The following PYGO1 variants were observed in gnomAD, a reference collection of about 807,000 sequenced individuals.
The protein encoded by PYGO1 is pygopus homolog 1.
In PYGO1, 6 loss-of-function variants were observed where a neutral mutation model predicts 29.5. That is an observed-to-expected ratio of 0.20 (90% CI 0.11 to 0.40). The LOEUF (loss-of-function observed/expected upper bound fraction) is 0.40. Ranked by LOEUF, PYGO1 falls within the 10% of genes least tolerant of loss-of-function variation. PYGO1 has a pLI of 1.00. For missense variants in PYGO1, 515 were observed against 514.9 expected, an observed-to-expected ratio of 1.00 and a Z score of 0.00; for synonymous variants, 186 against 180.5, an observed-to-expected ratio of 1.03 and a Z score of -0.24.
At position 55,548,973 on chromosome 15, in the gene PYGO1, C is replaced by T. The variant is rs1284438431; in HGVS notation, c.72G>A (p.Gly24=). ...CTAGTTGTACACCTGGTCCTCCTAA[C>T]CCATCCAGTCCACTATCACCACCTA... ...RVRGGDSGLD[G]LGGPGVQLGS... The change falls in exon 2 of 3, where the codon GGG becomes GGA. Residue 24 remains glycine, a synonymous_variant. Transcript: ENST00000563719. 3 of 1,610,458 alleles carry T rather than the reference C, an allele frequency of 1.9e-6. No homozygotes were observed. Among genetic ancestry groups the T allele is most frequent in the Admixed American group, 3.4e-5 (2 of 59,578 alleles).
At chr15:55,561,779 T>C (rs1386334572) in intron 1 of PYGO1, among the ~76,000 whole-genome samples, 1 of 152,128 alleles carries the variant, frequency 6.6e-6, no homozygotes, top group African/African-American at 2.4e-5. Context: ...GGCAATACCA[T>C]TCAGGATTTA....
At chr15:55,557,098 C>T (rs918584629) in intron 1 of PYGO1, among the ~76,000 whole-genome samples, 16 of 149,818 alleles carry the variant, frequency 1.1e-4, no homozygotes, top group African/African-American at 2.9e-4. Context: ...AAAAGGAGGA[C>T]GACTAATAAA....
intron 1 of PYGO1, among the ~76,000 whole-genome samples, chr15:55,572,086 A>C (rs1237029660): frequency 6.6e-6 from 1 of 152,204 alleles, no homozygotes; most frequent in African/African-American, 2.4e-5. Flanking sequence ...TAAAATTCAT[A>C]TGGAACCACT....
At chr15:55,563,944 A>T (rs1251371284) in intron 1 of PYGO1, among the ~76,000 whole-genome samples, 1 of 152,236 alleles carries the variant, frequency 6.6e-6, no homozygotes, top group Admixed American at 6.5e-5. Context: ...TGGAACCCTC[A>T]TACTTTGCAG....
At chr15:55,553,829 C>T (rs2058891086) in intron 1 of PYGO1, among the ~76,000 whole-genome samples, 1 of 152,128 alleles carries the variant, frequency 6.6e-6, no homozygotes, top group African/African-American at 2.4e-5. Context: ...GAGCAGGCTG[C>T]CACCTTTGCT....
chr15:55,540,423 G>C lies in PYGO1; in HGVS notation c.*5600C>G, dbSNP rs2058824037. On this transcript the variant is annotated 3_prime_UTR_variant, in exon 3 of 3. Transcript: ENST00000563719. ...AGTATGTGCTAAAAAATCCTAATAT[G>C]CACTGCCATTTAAGGTAATTATTTA... 6.6e-6 allele frequency: 1 copy of C among 151,954 alleles called. No individual in the cohort carries two copies. The highest frequency in any genetic ancestry group is 1.5e-5 in the Non-Finnish European group (1 of 67,922). 9.4% of individuals were successfully genotyped at this position (151,954 alleles called of 1,614,324 possible). A position where few individuals can be genotyped will look rare whatever the true frequency, so the allele number is the denominator to read the frequency against.
intron 1 of PYGO1, among the ~76,000 whole-genome samples, chr15:55,581,611 T>C (rs774412794): frequency 2.0e-5 from 3 of 152,180 alleles, no homozygotes; most frequent in East Asian, 1.9e-4. Flanking sequence ...GGTAAACTTA[T>C]ATATGTTACT....
chr15:55,576,080 C>T (rs1219382239), intron 1 of PYGO1, among the ~76,000 whole-genome samples: 1 of 152,128 alleles, frequency 6.6e-6, no homozygotes. Context: ...CTGACCAAAT[C>T]CTAGTTGATT....
intron 1 of PYGO1, among the ~76,000 whole-genome samples, chr15:55,563,366 CTTT>C (rs746208614): frequency 7.0e-5 from 9 of 128,766 alleles, no homozygotes; most frequent in Admixed American, 8.0e-5. Flanking sequence ...TGAATAAATT[CTTT>C]TTTTTTTTTT....
In PYGO1 at chr15:55,588,294, G is replaced by T. The variant is rs1232682917; in HGVS notation, c.-411C>A. Among the ~76,000 whole-genome samples the T allele has an allele frequency of 6.7e-6, 1 of 148,836 alleles. No individual in the cohort carries two copies. Among genetic ancestry groups the T allele is most frequent in the Non-Finnish European group, 1.5e-5 (1 of 66,784 alleles). On this transcript the variant is annotated 5_prime_UTR_variant, in exon 1 of 3. The change creates a new upstream start codon in the 5' untranslated region. Transcript: ENST00000563719. ...GCCCGGCCCTGGCGGCACACTCACA[G>T]CGCCCTCTGAGGAGGAGGTCTGCTC...
At chr15:55,579,213 A>G (rs1275657127) in intron 1 of PYGO1, among the ~76,000 whole-genome samples, 1 of 152,224 alleles carries the variant, frequency 6.6e-6, no homozygotes, top group Non-Finnish European at 1.5e-5. Context: ...CAGTTTTTCT[A>G]TAACACCATA....
intron 1 of PYGO1, among the ~76,000 whole-genome samples, chr15:55,561,620 C>T (rs2058933310): frequency 6.6e-6 from 1 of 152,142 alleles, no homozygotes; most frequent in Admixed American, 6.6e-5. Flanking sequence ...TCCCTTAATA[C>T]CTGGGGTTTA....
chr15:55,569,814 A>G (rs1025468419), intron 1 of PYGO1, among the ~76,000 whole-genome samples: 3 of 152,192 alleles, frequency 2.0e-5, no homozygotes, highest in African/African-American at 7.2e-5. Flanking sequence ...TCCTATAGAC[A>G]TATCTACCAC....
chr15:55,558,154 C>G (rs566476197), intron 1 of PYGO1, among the ~76,000 whole-genome samples: 2 of 152,338 alleles, frequency 1.3e-5, no homozygotes, highest in East Asian at 1.9e-4. Context: ...AGCAAAGTCT[C>G]AGGATACAAA....
intron 1 of PYGO1, among the ~76,000 whole-genome samples, chr15:55,557,137 G>A (rs369781990): frequency 3.3e-5 from 5 of 151,446 alleles, no homozygotes; most frequent in African/African-American, 7.3e-5. Flanking sequence ...TCAAATAGGC[G>A]CAATAAAAAA....
intron 1 of PYGO1, among the ~76,000 whole-genome samples, chr15:55,582,853 C>T (rs999715455): frequency 6.6e-6 from 1 of 152,148 alleles, no homozygotes; most frequent in Non-Finnish European, 1.5e-5. Context: ...TCCCCAACCC[C>T]CAATTTGTGA....
intron 1 of PYGO1, among the ~76,000 whole-genome samples, chr15:55,572,338 C>T (rs1420513222): frequency 6.6e-6 from 1 of 152,166 alleles, no homozygotes; most frequent in Non-Finnish European, 1.5e-5. Flanking sequence ...GCTGGAAAAA[C>T]TGAATAACCA....
In PYGO1 at chr15:55,545,144, T is replaced by C. The variant is rs1279207820; in HGVS notation, c.*879A>G. The C allele has an allele frequency of 6.6e-6, 1 of 152,326 alleles. No individual in the cohort carries two copies. Among genetic ancestry groups the C allele is most frequent in the Admixed American group, 6.5e-5 (1 of 15,296 alleles). The allele number at this position is 152,326 out of a possible 1,614,324, so 9.4% of individuals were successfully genotyped here. On this transcript the variant is annotated 3_prime_UTR_variant, in exon 3 of 3. Transcript: ENST00000563719. ...CCCTCTAAGGCCAAATGGATGTTTC[T>C]ACCTTCCTCATCTGCAATATGTCCC...
intron 1 of PYGO1, among the ~76,000 whole-genome samples, chr15:55,577,269 T>C (rs1037947488): frequency 2.0e-5 from 3 of 152,176 alleles, no homozygotes; most frequent in East Asian, 1.9e-4. Flanking sequence ...TTTTGTCTCT[T>C]ATCTGCCTAT....
Sources: allele counts gnomAD v4.1 joint callset (sites outside exome capture counted in the v4.1 genomes callset), GRCh38; gene constraint gnomAD v4.1.1; transcripts MANE v1.5; gene names NCBI Gene and HGNC (gene_info 2026-07-23, HGNC 2026-07-21).